Variants in FAM13A observed in about 807,000 individuals in gnomAD.
The protein encoded by FAM13A is family with sequence similarity 13 member A, also known as protein FAM13A.
A neutral mutation model predicts 129.6 loss-of-function variants in FAM13A; 76 were observed. That is an observed-to-expected ratio of 0.59 (90% CI 0.49 to 0.71). The LOEUF (loss-of-function observed/expected upper bound fraction) is 0.71. Ranked by LOEUF, FAM13A falls within the 30% of genes least tolerant of loss-of-function variation. The pLI, the probability that FAM13A is intolerant of heterozygous loss-of-function variation, is 0.00. For missense variants in FAM13A, 1,108 were observed against 1,249.3 expected (o/e 0.89, Z 1.70); for synonymous variants, 443 against 449.9 (o/e 0.98, Z 0.20).
chr4:88,989,465 G>C (rs541322977), intron 4 of FAM13A, among the ~76,000 whole-genome samples: 2 of 152,256 alleles, frequency 1.3e-5, no homozygotes, highest in African/African-American at 4.8e-5. Context: ...AATTGGGCAT[G>C]ATGGCATGTG....
At chr4:88,767,078 G>A (rs1035574188) in intron 13 of FAM13A, among the ~76,000 whole-genome samples, 30 of 152,296 alleles carry the variant, frequency 2.0e-4, no homozygotes, top group African/African-American at 7.0e-4. Context: ...TAAGGGAGGT[G>A]AGAGACTTTT....
At chr4:88,898,942 G>A (rs745559342) in intron 6 of FAM13A, among the ~76,000 whole-genome samples, 1 of 151,730 alleles carries the variant, frequency 6.6e-6, no homozygotes, top group Non-Finnish European at 1.5e-5. Context: ...AGGAAAATAA[G>A]TCATTATACA....
chr4:88,775,810 G>A (rs898870103), intron 11 of FAM13A, among the ~76,000 whole-genome samples: 1 of 152,184 alleles, frequency 6.6e-6, no homozygotes, highest in African/African-American at 2.4e-5. Flanking sequence ...GAGCAGAAAC[G>A]TATTTACTGT....
At position 88,747,113 on chromosome 4, in the gene FAM13A, C is replaced by G. The variant is rs1025348444; in HGVS notation, c.2383-98G>C. The G allele has an allele frequency of 2.5e-5, 20 of 798,486 alleles. No homozygotes were observed. In the African/African-American group the frequency reaches 3.4e-4, roughly 14 times the overall value. 49.5% of individuals were successfully genotyped at this position (798,486 alleles called of 1,614,324 possible). On this transcript the variant is annotated intron_variant, in intron 18 of 23. Transcript: ENST00000264344. Reference sequence around the variant, plus strand: ...TTACTAAAGCAAGGCTAAAAAGAACCCTCATATAACAGCTCTCCCTAGCTC... The same window carrying G: ...TTACTAAAGCAAGGCTAAAAAGAACGCTCATATAACAGCTCTCCCTAGCTC...
At chr4:89,015,605 A>G (rs1766378756) in intron 3 of FAM13A, among the ~76,000 whole-genome samples, 1 of 152,168 alleles carries the variant, frequency 6.6e-6, no homozygotes, top group Admixed American at 6.5e-5. Context: ...CTGATACATC[A>G]TTTTACTTAA....
chr4:89,052,796 C>A (rs1357135990), intron 1 of FAM13A, among the ~76,000 whole-genome samples: 1 of 152,058 alleles, frequency 6.6e-6, no homozygotes, highest in Non-Finnish European at 1.5e-5. Context: ...TCTTTAAGTT[C>A]TGCTTCCTTT....
intron 5 of FAM13A, among the ~76,000 whole-genome samples, chr4:88,920,240 T>G (rs1317942082): frequency 6.6e-6 from 1 of 152,192 alleles, no homozygotes; most frequent in Non-Finnish European, 1.5e-5. Context: ...ACGGGCAGAC[T>G]GCCTCCTCAA....
chr4:88,824,506 A>C (rs1420303349), intron 7 of FAM13A, among the ~76,000 whole-genome samples: 2 of 152,218 alleles, frequency 1.3e-5, no homozygotes, highest in Non-Finnish European at 2.9e-5. Flanking sequence ...ATAATGATAA[A>C]CTATCAGTAA....
chr4:88,808,383 G>A (rs942608061), intron 7 of FAM13A, among the ~76,000 whole-genome samples: 8 of 152,066 alleles, frequency 5.3e-5, no homozygotes, highest in Admixed American at 1.3e-4. Context: ...TTTTTATACA[G>A]CTGTACAAAG....
At chr4:89,048,350 T>C (rs1210468931) in intron 1 of FAM13A, among the ~76,000 whole-genome samples, 2 of 152,148 alleles carry the variant, frequency 1.3e-5, no homozygotes, top group African/African-American at 2.4e-5. Context: ...AAAAATATTA[T>C]GCTAAGTGAA....
chr4:88,893,791 C>G (rs1745818289), intron 6 of FAM13A, among the ~76,000 whole-genome samples: 1 of 147,138 alleles, frequency 6.8e-6, no homozygotes, highest in Admixed American at 6.9e-5. Context: ...CGCGCCACTG[C>G]ACTCCAGCCA....
chr4:88,848,362 T>G (rs1042775563), intron 7 of FAM13A, among the ~76,000 whole-genome samples: 1 of 152,348 alleles, frequency 6.6e-6, no homozygotes, highest in Middle Eastern at 3.4e-3. Flanking sequence ...ACCTCCTGGC[T>G]TGCAACATCA....
At chr4:88,856,222 G>T (rs1421577922) in intron 6 of FAM13A, among the ~76,000 whole-genome samples, 2 of 152,102 alleles carry the variant, frequency 1.3e-5, no homozygotes, top group East Asian at 3.9e-4. Flanking sequence ...GCTCACACCT[G>T]TAATCCTAGC....
chr4:88,975,076 A>G (rs1217985170), intron 4 of FAM13A, among the ~76,000 whole-genome samples: 1 of 152,212 alleles, frequency 6.6e-6, no homozygotes, highest in Non-Finnish European at 1.5e-5. Context: ...AAGTAAATTA[A>G]TGATAAAACT....
At chr4:88,910,224 A>G (rs1359819444) in intron 5 of FAM13A, among the ~76,000 whole-genome samples, 1 of 152,204 alleles carries the variant, frequency 6.6e-6, no homozygotes, top group Non-Finnish European at 1.5e-5. Flanking sequence ...ATCTACTTAC[A>G]TGAGACTTTT....
intron 6 of FAM13A, among the ~76,000 whole-genome samples, chr4:88,893,957 G>A (rs1285277410): frequency 6.6e-6 from 1 of 152,142 alleles, no homozygotes; most frequent in Non-Finnish European, 1.5e-5. Flanking sequence ...GGAAACACAT[G>A]GATATTCAGT....
intron 23 of FAM13A, 65 bp from the exon 24 acceptor site, chr4:88,728,724 C>T (rs919642278): frequency 1.7e-5 from 26 of 1,568,594 alleles, no homozygotes; most frequent in African/African-American, 5.4e-5. Context: ...TACTATTCAT[C>T]GGGCAAATTA....
At chr4:88,920,498 T>C (rs866479965) in intron 5 of FAM13A, among the ~76,000 whole-genome samples, 49 of 152,202 alleles carry the variant, frequency 3.2e-4, no homozygotes, top group African/African-American at 1.0e-3. Context: ...GTCCTGTCTG[T>C]TAGAAGGAAA....
At chr4:88,919,603 G>A (rs937220136) in intron 5 of FAM13A, among the ~76,000 whole-genome samples, 2 of 152,344 alleles carry the variant, frequency 1.3e-5, no homozygotes, top group East Asian at 3.9e-4. Flanking sequence ...CCAGTGTACA[G>A]CTCCCAGCAT....
Sources: gnomAD v4.1 joint callset for allele counts (sites outside exome capture counted in the v4.1 genomes callset) on GRCh38, gnomAD v4.1.1 for gene constraint, MANE v1.5 for transcripts, NCBI Gene and HGNC (gene_info 2026-07-23, HGNC 2026-07-21) for gene names.